ARMC3: variants seen among roughly 807,000 people sequenced by gnomAD.
ARMC3 encodes the protein armadillo repeat-containing protein 3.
A neutral mutation model predicts 90.3 loss-of-function variants in ARMC3; 74 were observed. The observed-to-expected ratio is 0.82, with a 90% CI of 0.68 to 0.99. The LOEUF (loss-of-function observed/expected upper bound fraction) is 0.99, where lower values mean the gene tolerates loss of function less well. Among genes scored for constraint, ARMC3 ranks in the 50% least tolerant of loss-of-function variants. The probability of loss-of-function intolerance (pLI) is 0.00; values close to 1 mark genes in which losing one functional copy is unlikely to be tolerated. For missense variants in ARMC3, 958 were observed against 1,042.8 expected (o/e 0.92, Z 1.12); for synonymous variants, 334 against 361.8 (o/e 0.92, Z 0.87).
At chr10:22,970,273 G>C (rs1835624832) in intron 8 of ARMC3, among the ~76,000 whole-genome samples, 1 of 152,180 alleles carries the variant, frequency 6.6e-6, no homozygotes, top group Non-Finnish European at 1.5e-5. Flanking sequence ...GAGGAGAAGT[G>C]GTTCTGAGAA....
At chr10:23,002,992 A>G (rs1837383738) in intron 12 of ARMC3, among the ~76,000 whole-genome samples, 1 of 152,196 alleles carries the variant, frequency 6.6e-6, no homozygotes, top group African/African-American at 2.4e-5. Context: ...TTGTTTTTAG[A>G]TGAACAAAGA....
intron 10 of ARMC3, among the ~76,000 whole-genome samples, chr10:22,985,368 T>C (rs1445865412): frequency 6.6e-6 from 1 of 152,136 alleles, no homozygotes; most frequent in Admixed American, 6.6e-5. Flanking sequence ...GGCAGCTCCT[T>C]TGACCTTCGA....
At chr10:22,954,311 A>G (rs1834842635) in intron 3 of ARMC3, among the ~76,000 whole-genome samples, 1 of 152,110 alleles carries the variant, frequency 6.6e-6, no homozygotes, top group Non-Finnish European at 1.5e-5. Context: ...CAATTTGTAG[A>G]ATATCTTTTA....
intron 16 of ARMC3, among the ~76,000 whole-genome samples, chr10:23,012,098 A>G (rs1226586250): frequency 2.6e-5 from 4 of 152,038 alleles, no homozygotes; most frequent in Non-Finnish European, 4.4e-5. Context: ...TTGGATTTTT[A>G]CAATTGTCTT....
chr10:22,990,327 T>C (rs1836648433), intron 10 of ARMC3, among the ~76,000 whole-genome samples: 1 of 152,246 alleles, frequency 6.6e-6, no homozygotes, highest in Admixed American at 6.5e-5. Flanking sequence ...GAGTAGGATT[T>C]CTGAGGAAAC....
intron 16 of ARMC3, chr10:23,013,968 C>T: frequency 1.1e-6 from 1 of 914,688 alleles, no homozygotes; most frequent in Non-Finnish European, 1.6e-6. Context: ...TTATTGAATG[C>T]TGTTTGTTGA....
chr10:23,010,596 T>C (rs1356625623), intron 16 of ARMC3, among the ~76,000 whole-genome samples: 13 of 96,952 alleles, frequency 1.3e-4, no homozygotes, highest in East Asian at 3.5e-4. Flanking sequence ...TCCCTTCCCT[T>C]CTCTCTCCCT....
intron 8 of ARMC3, among the ~76,000 whole-genome samples, chr10:22,978,777 T>C (rs1836053848): frequency 6.6e-6 from 1 of 152,028 alleles, no homozygotes; most frequent in African/African-American, 2.4e-5. Flanking sequence ...TTTTGACAAA[T>C]ATTGCTCCTT....
At chr10:22,938,930 T>C (rs1205250785) in intron 2 of ARMC3, among the ~76,000 whole-genome samples, 1 of 152,216 alleles carries the variant, frequency 6.6e-6, no homozygotes. Flanking sequence ...CAAGTATTAT[T>C]GTATTATTTT....
intron 2 of ARMC3, among the ~76,000 whole-genome samples, chr10:22,938,002 T>G (rs1169949030): frequency 6.6e-6 from 1 of 152,192 alleles, no homozygotes; most frequent in African/African-American, 2.4e-5. Flanking sequence ...GCAGCTTATA[T>G]TATAGTGGGA....
intron 6 of ARMC3, 27 bp downstream of exon 6, chr10:22,959,601 T>C (rs1835106279): frequency 1.3e-6 from 2 of 1,552,308 alleles, no homozygotes; most frequent in Admixed American, 2.2e-5. Context: ...AAAAGCGTTC[T>C]GATGAAAGCT....
chr10:22,930,337 A>G (rs1462159768), intron 1 of ARMC3, among the ~76,000 whole-genome samples: 2 of 152,212 alleles, frequency 1.3e-5, no homozygotes, highest in Admixed American at 1.3e-4. Context: ...TGTTAATTAA[A>G]TGTTTTATTA....
chr10:23,005,558 T>C (rs1469916465), intron 13 of ARMC3, among the ~76,000 whole-genome samples: 1 of 152,002 alleles, frequency 6.6e-6, no homozygotes, highest in African/African-American at 2.4e-5. Flanking sequence ...ATAAATGATA[T>C]CCCAGGGTAA....
At chr10:23,012,417 CT>C (rs2131502891) in intron 16 of ARMC3, among the ~76,000 whole-genome samples, 1 of 152,266 alleles carries the variant, frequency 6.6e-6, no homozygotes, top group South Asian at 2.1e-4. Context: ...TGTTCCTACT[CT>C]CCATAGTTTT....
chr10:22,989,207 A>C (rs2131366796), intron 10 of ARMC3, among the ~76,000 whole-genome samples: 1 of 152,346 alleles, frequency 6.6e-6, no homozygotes, highest in Middle Eastern at 3.4e-3. Flanking sequence ...TTTTTAAAAG[A>C]TTCCGATCTG....
intron 10 of ARMC3, among the ~76,000 whole-genome samples, chr10:22,996,924 GT>G (rs375932608): frequency 0.16 from 23,550 of 147,054 alleles, 1,950 homozygotes; most frequent in South Asian, 0.21. Flanking sequence ...AGCTTCAGTT[GT>G]TTTTTTTTTT....
At chr10:23,013,941 A>G in intron 16 of ARMC3, among the ~76,000 whole-genome samples, 1 of 152,194 alleles carries the variant, frequency 6.6e-6, no homozygotes, top group East Asian at 1.9e-4. Flanking sequence ...GATTAATAAT[A>G]TTAAAAATTA....
intron 16 of ARMC3, among the ~76,000 whole-genome samples, chr10:23,014,903 A>C (rs7080229): frequency 0.58 from 80,244 of 139,450 alleles, 23,589 homozygotes; most frequent in Non-Finnish European, 0.6. Flanking sequence ...AAAAAAAAAA[A>C]AAAAAACCCC....
intron 18 of ARMC3, among the ~76,000 whole-genome samples, chr10:23,035,179 T>C (rs1839077213): frequency 1.3e-5 from 2 of 152,182 alleles, no homozygotes; most frequent in African/African-American, 4.8e-5. Flanking sequence ...AAGGCTCCAA[T>C]TGTATCCTCA....
Sources: allele counts gnomAD v4.1 joint callset (sites outside exome capture counted in the v4.1 genomes callset), GRCh38; gene constraint gnomAD v4.1.1; transcripts MANE v1.5; gene names NCBI Gene and HGNC (gene_info 2026-07-23, HGNC 2026-07-21).